The following JAM3 variants were observed in gnomAD, a reference collection of about 807,000 sequenced individuals.
The protein encoded by JAM3 is junctional adhesion molecule 3.
JAM3 carries 31 observed loss-of-function variants against 39.4 expected under a neutral mutation model. That is an observed-to-expected ratio of 0.79 (90% confidence interval 0.59 to 1.06). The LOEUF (loss-of-function observed/expected upper bound fraction) is 1.06, where lower values mean the gene tolerates loss of function less well. Among genes scored for constraint, JAM3 ranks in the 50% least tolerant of loss-of-function variants. JAM3 has a pLI of 0.00. For synonymous variants in JAM3, 182 were observed against 148.7 expected (o/e 1.22, Z -1.63); for missense variants, 455 against 391.4 (o/e 1.16, Z -1.37).
At chr11:134,084,197 C>G (rs1418611087) in intron 1 of JAM3, among the ~76,000 whole-genome samples, 3 of 152,140 alleles carry the variant, frequency 2.0e-5, no homozygotes, top group Non-Finnish European at 4.4e-5. Flanking sequence ...ATGATCTTGT[C>G]TTTCTGTTCA....
intron 1 of JAM3, among the ~76,000 whole-genome samples, chr11:134,114,346 G>C (rs1427688884): frequency 6.6e-6 from 1 of 152,118 alleles, no homozygotes; most frequent in Non-Finnish European, 1.5e-5. Context: ...AATCCATCTT[G>C]AATTAATTTT....
intron 1 of JAM3, among the ~76,000 whole-genome samples, chr11:134,099,079 A>G (rs1942031439): frequency 6.6e-6 from 1 of 152,110 alleles, no homozygotes; most frequent in Admixed American, 6.6e-5. Flanking sequence ...GCATGCCTGT[A>G]GTCCTTGTAT....
chr11:134,143,342 G>A (rs61663671), intron 3 of JAM3, among the ~76,000 whole-genome samples: 38 of 152,264 alleles, frequency 2.5e-4, no homozygotes, highest in East Asian at 1.5e-3. Context: ...ATGATGTTGA[G>A]GGTCTTATTT....
Position 134,111,133 on chromosome 11 carries a change from CTTTTT to C in JAM3, c.77-28694_77-28690del, listed in dbSNP as rs71038561. 1.2e-4 allele frequency among the ~76,000 whole-genome samples: 10 copies of C among 86,772 alleles called. No homozygotes were observed. In the East Asian group the frequency reaches 2.5e-3, roughly 21 times the overall value. 56.9% of individuals were successfully genotyped at this position (86,772 alleles called of 152,430 possible). On this transcript the variant is annotated intron_variant, in intron 1 of 8. Transcript: ENST00000299106. ...TGTACCATACCCAACACACATCCATCTTTTTTTTTTTTTTTTTTTTTTTTTTTTGA... is the reference window on the plus strand; with the variant it reads ...TGTACCATACCCAACACACATCCATCTTTTTTTTTTTTTTTTTTTTTTTGA...
At chr11:134,106,543 G>C (rs553819290) in intron 1 of JAM3, among the ~76,000 whole-genome samples, 41 of 152,298 alleles carry the variant, frequency 2.7e-4, no homozygotes, top group African/African-American at 6.5e-4. Flanking sequence ...ACTACCATCA[G>C]AGTGAACAGG....
chr11:134,119,129 T>A (rs936241256), intron 1 of JAM3, among the ~76,000 whole-genome samples: 3 of 152,118 alleles, frequency 2.0e-5, no homozygotes, highest in Admixed American at 1.3e-4. Context: ...TTCCGCCATG[T>A]TGGCCAGGCT....
At chr11:134,137,698 T>A (rs1322181652) in intron 1 of JAM3, among the ~76,000 whole-genome samples, 2 of 148,152 alleles carry the variant, frequency 1.3e-5, no homozygotes, top group African/African-American at 2.5e-5. Context: ...CTGAGAGAAA[T>A]GTTTATGGCC....
chr11:134,141,139 G>T (rs1942966526), intron 3 of JAM3, among the ~76,000 whole-genome samples: 1 of 152,062 alleles, frequency 6.6e-6, no homozygotes, highest in African/African-American at 2.4e-5. Flanking sequence ...TTCAGCAAGG[G>T]CACAGCACAA....
At chr11:134,102,237 A>C (rs955138218) in intron 1 of JAM3, among the ~76,000 whole-genome samples, 3 of 152,204 alleles carry the variant, frequency 2.0e-5, no homozygotes, top group African/African-American at 7.2e-5. Context: ...TCCGCTGCTG[A>C]TAACCCAGGC....
intron 1 of JAM3, among the ~76,000 whole-genome samples, chr11:134,110,725 C>CCTT (rs10643328): frequency 0.44 from 66,972 of 151,582 alleles, 17,447 homozygotes; most frequent in African/African-American, 0.74. Context: ...CGGCTAGAAA[C>CCTT]CTGGGAGTTG....
chr11:134,140,043 C>G (rs560371119), intron 2 of JAM3, 127 bp downstream of exon 2: 1 of 773,588 alleles, frequency 1.3e-6, no homozygotes, highest in Admixed American at 2.0e-5. Context: ...GACTGCTCTG[C>G]GGTGCACAGG....
At chr11:134,138,217 G>T (rs1565502789) in intron 1 of JAM3, among the ~76,000 whole-genome samples, 1 of 124,590 alleles carries the variant, frequency 8.0e-6, no homozygotes, top group African/African-American at 3.8e-5. Flanking sequence ...AATGTTTATG[G>T]CCAATAGTCC....
intron 1 of JAM3, among the ~76,000 whole-genome samples, chr11:134,131,619 A>G (rs557397257): frequency 6.6e-6 from 1 of 152,366 alleles, no homozygotes; most frequent in East Asian, 1.9e-4. Flanking sequence ...CAGCACAGAT[A>G]TTGGACTTAT....
intron 1 of JAM3, among the ~76,000 whole-genome samples, chr11:134,095,563 G>A (rs1391114275): frequency 1.3e-5 from 2 of 151,866 alleles, no homozygotes; most frequent in Non-Finnish European, 2.9e-5. Context: ...CCTGGGAGTC[G>A]GAGGTTGTAG....
intron 1 of JAM3, among the ~76,000 whole-genome samples, chr11:134,088,510 A>C (rs1941783318): frequency 6.6e-6 from 1 of 152,178 alleles, no homozygotes; most frequent in Admixed American, 6.5e-5. Context: ...GAAAAAACGG[A>C]ATACAAAATC....
At chr11:134,098,046 CT>C (rs1942013683) in intron 1 of JAM3, among the ~76,000 whole-genome samples, 1 of 152,100 alleles carries the variant, frequency 6.6e-6, no homozygotes, top group South Asian at 2.1e-4. Flanking sequence ...ATCTCCTTTT[CT>C]GCTTAGTTCC....
chr11:134,148,594 G>T lies in JAM3; in HGVS notation c.760G>T (p.Ala254Ser), dbSNP rs764804184. 1 of 1,614,158 alleles carries T rather than the reference G, an allele frequency of 6.2e-7. No homozygotes were observed. The highest frequency in any genetic ancestry group is 8.5e-7 in the Non-Finnish European group (1 of 1,180,030). ...GIIGGVLVVL[A>S]VLALITLGIC... ...TATTGGGGGGGTTCTGGTTGTCCTT[G>T]CTGTACTGGCCCTGATCACGTTGGG... The change falls in exon 7 of 9, where the codon GCT becomes TCT. Residue 254 changes from alanine (A) to serine (S), a missense_variant. Ala to Ser is a moderately conservative substitution (Grantham distance 99). Coordinates refer to ENST00000299106, the MANE Select transcript of JAM3 (RefSeq NM_032801.5).
At position 134,151,889 on chromosome 11, in the gene JAM3, C is replaced by T. The variant is rs1383841318; in HGVS notation, c.*2708C>T. ...GGGAAGTCAGTGCTGGGCAGGAGGTCAGCCTGTGTGCTCAAGAGCAGTGCT... is the reference window on the plus strand; with the variant it reads ...GGGAAGTCAGTGCTGGGCAGGAGGTTAGCCTGTGTGCTCAAGAGCAGTGCT... On this transcript the variant is annotated 3_prime_UTR_variant, in exon 9 of 9. Coordinates refer to ENST00000299106, the MANE Select transcript of JAM3 (RefSeq NM_032801.5). The T allele has an allele frequency of 6.6e-6, 1 of 152,258 alleles. No individual in the cohort carries two copies. Among genetic ancestry groups the T allele is most frequent in the Non-Finnish European group, 1.5e-5 (1 of 68,050 alleles). 9.4% of individuals were successfully genotyped at this position (152,258 alleles called of 1,614,324 possible). A position where few individuals can be genotyped will look rare whatever the true frequency, so the allele number is the denominator to read the frequency against.
rs369150539 is a variant in JAM3 at position 134,117,868 on chromosome 11, A to G, written c.77-21983A>G. 3.3e-5 allele frequency among the ~76,000 whole-genome samples: 5 copies of G among 152,216 alleles called. No homozygotes were observed. The East Asian group carries it at 5.8e-4, about 18-fold the overall frequency. ...CAAGATAACAGTGAAGGCTAGTTCC[A>G]TGTACCTCCGAAGGGTACTGTGAGC... On this transcript the variant is annotated intron_variant, in intron 1 of 8. Coordinates refer to ENST00000299106, the MANE Select transcript of JAM3 (RefSeq NM_032801.5).
Sources: allele counts gnomAD v4.1 joint callset (sites outside exome capture counted in the v4.1 genomes callset), GRCh38; gene constraint gnomAD v4.1.1; transcripts MANE v1.5; gene names NCBI Gene and HGNC (gene_info 2026-07-23, HGNC 2026-07-21).